CDH18: variants seen among roughly 807,000 people sequenced by gnomAD.
CDH18 encodes the protein cadherin 18, also known as cadherin-18.
CDH18 carries 31 observed loss-of-function variants against 67.9 expected under a neutral mutation model. The observed-to-expected ratio is 0.46, with a 90% CI of 0.34 to 0.62. The LOEUF (loss-of-function observed/expected upper bound fraction) is 0.62. Ranked by LOEUF, CDH18 falls within the 20% of genes least tolerant of loss-of-function variation. The pLI, the probability that CDH18 is intolerant of heterozygous loss-of-function variation, is 0.01. For missense variants in CDH18, 890 were observed against 975.5 expected (o/e 0.91, Z 1.17); for synonymous variants, 362 against 347.2 (o/e 1.04, Z -0.48).
chr5:20,419,922 G>T (rs1192805885), intron 1 of CDH18, among the ~76,000 whole-genome samples: 1 of 150,992 alleles, frequency 6.6e-6, no homozygotes, highest in African/African-American at 2.5e-5. Context: ...AAAAACGACA[G>T]ATTTCCTTTC....
chr5:19,924,831 G>A (rs927826225), intron 2 of CDH18, among the ~76,000 whole-genome samples: 10 of 152,076 alleles, frequency 6.6e-5, no homozygotes, highest in African/African-American at 9.7e-5. Flanking sequence ...CATCCACAGC[G>A]TGCAAATAGA....
chr5:19,682,066 T>C (rs1277885102), intron 5 of CDH18, among the ~76,000 whole-genome samples: 3 of 152,062 alleles, frequency 2.0e-5, no homozygotes, highest in African/African-American at 7.2e-5. Flanking sequence ...ATATGACCAT[T>C]TGGAAGCTAT....
intron 1 of CDH18, among the ~76,000 whole-genome samples, chr5:20,307,777 C>T (rs2149982320): frequency 6.6e-6 from 1 of 152,274 alleles, no homozygotes; most frequent in South Asian, 2.1e-4. Flanking sequence ...ATTAAAAACT[C>T]TTCCTAATAT....
intron 2 of CDH18, among the ~76,000 whole-genome samples, chr5:19,953,262 C>A (rs1049701339): frequency 3.9e-5 from 6 of 151,936 alleles, no homozygotes; most frequent in Non-Finnish European, 8.8e-5. Context: ...AACAAAAATA[C>A]AGGAAGTCTG....
chr5:20,213,664 G>A (rs540989320), intron 2 of CDH18, among the ~76,000 whole-genome samples: 12 of 152,074 alleles, frequency 7.9e-5, no homozygotes, highest in South Asian at 2.1e-4. Context: ...AGATTTTCCC[G>A]TTTGTGTGCA....
In CDH18 at chr5:20,367,103, T is replaced by A. The variant is rs187382248; in HGVS notation, c.-579-111598A>T. ...GCCTGCTTGAGATTAGCCCGACAGC[T>A]CTCATGCACTAAACAGTATGAGTTT... On this transcript the variant is annotated intron_variant, in intron 1 of 14. Transcript: ENST00000507958. 7.4e-4 allele frequency among the ~76,000 whole-genome samples: 113 copies of A among 152,254 alleles called. 1 individual carries two copies. Among genetic ancestry groups the A allele is most frequent in the African/African-American group, 2.6e-3 (106 of 41,552 alleles).
At chr5:19,596,190 T>C (rs1284706951) in intron 6 of CDH18, among the ~76,000 whole-genome samples, 1 of 152,208 alleles carries the variant, frequency 6.6e-6, no homozygotes, top group African/African-American at 2.4e-5. Flanking sequence ...GAAGAGGCTT[T>C]TGTCAATGGT....
At chr5:20,448,652 C>T (rs931273354) in intron 1 of CDH18, among the ~76,000 whole-genome samples, 3 of 151,990 alleles carry the variant, frequency 2.0e-5, no homozygotes, top group Non-Finnish European at 2.9e-5. Context: ...CTCAGTGATG[C>T]TGGGAAGATG....
At chr5:19,988,445 T>A (rs1392861883), upstream of CDH18, among the ~76,000 whole-genome samples, 1 of 152,040 alleles carries the variant, frequency 6.6e-6, no homozygotes, top group East Asian at 1.9e-4. Flanking sequence ...CGGACACCCT[T>A]TAACCCCCTC....
chr5:20,014,103 G>A (rs1737684951), intron 2 of CDH18, among the ~76,000 whole-genome samples: 1 of 152,104 alleles, frequency 6.6e-6, no homozygotes, highest in African/African-American at 2.4e-5. Flanking sequence ...CCCCAAATAT[G>A]ACAGAGAGGC....
intron 2 of CDH18, among the ~76,000 whole-genome samples, chr5:19,980,052 A>G (rs932997644): frequency 1.3e-5 from 2 of 152,154 alleles, no homozygotes; most frequent in Non-Finnish European, 2.9e-5. Context: ...GTTTACCTAG[A>G]AAACCTTAAA....
intron 2 of CDH18, among the ~76,000 whole-genome samples, chr5:20,026,001 T>C (rs975370052): frequency 1.3e-5 from 2 of 152,254 alleles, no homozygotes; most frequent in Non-Finnish European, 2.9e-5. Context: ...ATTCCCCTCA[T>C]ACAAAATTGT....
chr5:19,890,263 T>A (rs1351201251), intron 2 of CDH18, among the ~76,000 whole-genome samples: 2 of 152,092 alleles, frequency 1.3e-5, no homozygotes, highest in Non-Finnish European at 2.9e-5. Context: ...TCCTGGACTG[T>A]CACATCTCTC....
rs190032566 is a variant in CDH18 at position 19,681,710 on chromosome 5, C to A, written c.643+39637G>T. On this transcript the variant is annotated intron_variant, in intron 5 of 12. Coordinates refer to ENST00000382275, the MANE Select transcript of CDH18 (RefSeq NM_004934.5). The stretch of plus-strand genomic sequence containing the variant: ...CTGTTACCTGAGAGAGAGAGATAAT[C>A]TTCTCTTATTTAATCTGCAATTTTT... Among the ~76,000 whole-genome samples the A allele has an allele frequency of 1.9e-3, 289 of 151,980 alleles. 3 individuals carry two copies. Among genetic ancestry groups the A allele is most frequent in the African/African-American group, 6.7e-3 (280 of 41,510 alleles).
At chr5:20,040,877 A>T (rs1740359337) in intron 2 of CDH18, among the ~76,000 whole-genome samples, 1 of 152,216 alleles carries the variant, frequency 6.6e-6, no homozygotes, top group Non-Finnish European at 1.5e-5. Flanking sequence ...ACTATGAAAT[A>T]ACATGATTAC....
chr5:20,558,919 G>C (rs1308608369), intron 1 of CDH18, among the ~76,000 whole-genome samples: 1 of 151,378 alleles, frequency 6.6e-6, no homozygotes, highest in Non-Finnish European at 1.5e-5. Context: ...TTGGAAAGTG[G>C]GTTGATTTCA....
chr5:19,631,929 C>A (rs1561507031), intron 5 of CDH18, among the ~76,000 whole-genome samples: 1 of 151,992 alleles, frequency 6.6e-6, no homozygotes, highest in African/African-American at 2.4e-5. Flanking sequence ...TTATTTCGGT[C>A]ATACAGTATA....
intron 6 of CDH18, among the ~76,000 whole-genome samples, chr5:19,592,803 T>C (rs908586278): frequency 2.0e-5 from 3 of 152,104 alleles, no homozygotes; most frequent in Non-Finnish European, 4.4e-5. Context: ...CAATTTTATA[T>C]TTGTTGATTA....
chr5:19,958,165 G>A (rs1207403714), intron 2 of CDH18, among the ~76,000 whole-genome samples: 4 of 151,468 alleles, frequency 2.6e-5, no homozygotes, highest in African/African-American at 9.7e-5. Flanking sequence ...CAGTGTGAAC[G>A]AAGCCTTATG....
Sources: allele counts gnomAD v4.1 joint callset (sites outside exome capture counted in the v4.1 genomes callset), GRCh38; gene constraint gnomAD v4.1.1; transcripts MANE v1.5; gene names NCBI Gene and HGNC (gene_info 2026-07-23, HGNC 2026-07-21).